Variants in SGCZ observed in about 807,000 individuals in gnomAD.
SGCZ encodes the protein zeta-sarcoglycan.
A neutral mutation model predicts 41.3 loss-of-function variants in SGCZ; 40 were observed. The ratio of observed to expected loss-of-function variants is 0.97; its 90% CI spans 0.75 to 1.26. The LOEUF (loss-of-function observed/expected upper bound fraction) is 1.26. SGCZ is among the 50% of genes most tolerant of loss of function. The probability of loss-of-function intolerance (pLI) is 0.00; values close to 1 mark genes in which losing one functional copy is unlikely to be tolerated. For synonymous variants in SGCZ, 206 were observed against 137.5 expected (o/e 1.50, Z -3.49); for missense variants, 552 against 369.8 (o/e 1.49, Z -4.04).
chr8:15,178,919 G>C (rs1800077421), intron 1 of SGCZ, among the ~76,000 whole-genome samples: 2 of 152,154 alleles, frequency 1.3e-5, no homozygotes, highest in Admixed American at 1.3e-4. Context: ...TAGCATATTG[G>C]TTCTAAACAT....
chr8:15,092,499 G>T (rs1448450447), intron 1 of SGCZ, among the ~76,000 whole-genome samples: 3 of 152,178 alleles, frequency 2.0e-5, no homozygotes, highest in African/African-American at 7.2e-5. Flanking sequence ...TCATAAAAGT[G>T]ATGGGAGAAA....
chr8:15,211,621 A>G (rs1801239462), intron 1 of SGCZ, among the ~76,000 whole-genome samples: 1 of 152,120 alleles, frequency 6.6e-6, no homozygotes, highest in Admixed American at 6.6e-5. Context: ...TTTTCACTGG[A>G]AAACAATATC....
chr8:14,259,429 T>A (rs1185948387), intron 3 of SGCZ, among the ~76,000 whole-genome samples: 3 of 151,038 alleles, frequency 2.0e-5, no homozygotes, highest in African/African-American at 7.3e-5. Context: ...TCTTCTAGGG[T>A]TTTTATGGTT....
chr8:14,989,343 G>A (rs963420698), intron 1 of SGCZ, among the ~76,000 whole-genome samples: 5 of 152,014 alleles, frequency 3.3e-5, no homozygotes, highest in African/African-American at 4.8e-5. Context: ...TTCATTAGCC[G>A]AGCGTGGTGG....
intron 1 of SGCZ, among the ~76,000 whole-genome samples, chr8:14,842,206 G>A (rs1043477264): frequency 6.6e-6 from 1 of 152,132 alleles, no homozygotes. Flanking sequence ...ACCAACAAGA[G>A]AGCAGTGATT....
intron 5 of SGCZ, among the ~76,000 whole-genome samples, chr8:14,152,278 T>A (rs1803734001): frequency 6.6e-6 from 1 of 152,156 alleles, no homozygotes; most frequent in Non-Finnish European, 1.5e-5. Context: ...GGGCAAAAGA[T>A]GTCTAGACAT....
intron 1 of SGCZ, among the ~76,000 whole-genome samples, chr8:15,102,634 G>A (rs1395379060): frequency 6.6e-6 from 1 of 152,092 alleles, no homozygotes; most frequent in Admixed American, 6.5e-5. Context: ...GCAGGGTATA[G>A]GAGACCTCAC....
chr8:14,224,599 T>G (rs1356576597), intron 4 of SGCZ, among the ~76,000 whole-genome samples: 2 of 152,204 alleles, frequency 1.3e-5, no homozygotes, highest in Non-Finnish European at 2.9e-5. Context: ...TATTACTTTA[T>G]TACGTTGGCT....
chr8:14,468,495 T>C (rs2116971591), intron 2 of SGCZ, among the ~76,000 whole-genome samples: 2 of 152,234 alleles, frequency 1.3e-5, no homozygotes, highest in South Asian at 2.1e-4. Context: ...GTTTCATACA[T>C]GTCTGATCTT....
At chr8:14,130,657 C>G (rs1032755968) in intron 5 of SGCZ, among the ~76,000 whole-genome samples, 14 of 152,264 alleles carry the variant, frequency 9.2e-5, no homozygotes, top group Non-Finnish European at 1.9e-4. Context: ...TAATAAAAAG[C>G]AGCCACTAAA....
chr8:14,646,698 G>T (rs1254882978), intron 1 of SGCZ, among the ~76,000 whole-genome samples: 2 of 151,724 alleles, frequency 1.3e-5, no homozygotes, highest in African/African-American at 4.8e-5. Context: ...CTAAAAGTTG[G>T]TCTTTGGAAA....
chr8:14,683,010 T>C (rs1808498064), intron 1 of SGCZ, among the ~76,000 whole-genome samples: 1 of 152,188 alleles, frequency 6.6e-6, no homozygotes, highest in Non-Finnish European at 1.5e-5. Flanking sequence ...TAACGCCATT[T>C]AATTTAATAG....
chr8:14,921,542 A>T (rs1411301664), intron 1 of SGCZ, among the ~76,000 whole-genome samples: 2 of 134,140 alleles, frequency 1.5e-5, no homozygotes, highest in Non-Finnish European at 3.3e-5. Flanking sequence ...ATCCCCATTT[A>T]AAAAAAAAAA....
intron 2 of SGCZ, among the ~76,000 whole-genome samples, chr8:14,487,560 G>A (rs1422250618): frequency 6.6e-6 from 1 of 152,112 alleles, no homozygotes; most frequent in Non-Finnish European, 1.5e-5. Flanking sequence ...TTGTTCTTCT[G>A]TTTAGTGATA....
At position 14,489,866 on chromosome 8, in the gene SGCZ, C is replaced by CATTTTTTTTTTTTTTTTTTTTTT. The variant is rs142314868; in HGVS notation, c.234+64865_234+64866insAAAAAAAAAAAAAAAAAAAAAAT. ...ACTGGCTCGCCGAAAAATTCTCCTA[C>CATTTTTTTTTTTTTTTTTTTTTT]CTTTTTTTTTTTTTTCCTGAGATGG... On this transcript the variant is annotated intron_variant, in intron 2 of 7. Transcript: ENST00000382080. Among the ~76,000 whole-genome samples, 3 of 137,480 alleles carry CATTTTTTTTTTTTTTTTTTTTTT rather than the reference C, an allele frequency of 2.2e-5. 1 individual carries two copies. 90.2% of individuals were successfully genotyped at this position (137,480 alleles called of 152,430 possible).
chr8:14,915,574 G>C (rs917015148), intron 1 of SGCZ, among the ~76,000 whole-genome samples: 3 of 152,104 alleles, frequency 2.0e-5, no homozygotes, highest in African/African-American at 7.2e-5. Flanking sequence ...AGAGTAAAAA[G>C]CAGACAAGAT....
At chr8:14,757,367 T>C (rs1268338186) in intron 1 of SGCZ, among the ~76,000 whole-genome samples, 1 of 152,180 alleles carries the variant, frequency 6.6e-6, no homozygotes, top group African/African-American at 2.4e-5. Flanking sequence ...TCTTTTTAAC[T>C]TTAGCTTTTC....
chr8:14,972,897 A>T (rs1312873392), intron 1 of SGCZ, among the ~76,000 whole-genome samples: 5 of 152,174 alleles, frequency 3.3e-5, no homozygotes, highest in Non-Finnish European at 7.3e-5. Flanking sequence ...TGGCTAAAAA[A>T]TCTTATGTAT....
intron 1 of SGCZ, among the ~76,000 whole-genome samples, chr8:15,015,120 A>G (rs962348770): frequency 3.3e-5 from 5 of 152,024 alleles, no homozygotes; most frequent in African/African-American, 1.2e-4. Flanking sequence ...GTGTGCACCT[A>G]TAGTCCCAGC....
Sources: allele counts gnomAD v4.1 joint callset (sites outside exome capture counted in the v4.1 genomes callset), GRCh38; gene constraint gnomAD v4.1.1; transcripts MANE v1.5; gene names NCBI Gene and HGNC (gene_info 2026-07-23, HGNC 2026-07-21).